UNC13B: variants seen among roughly 807,000 people sequenced by gnomAD.
The protein encoded by UNC13B is protein unc-13 homolog B.
Under a neutral mutation model 211.0 loss-of-function variants are expected in UNC13B, and 144 were observed. The ratio of observed to expected loss-of-function variants is 0.68; its 90% CI spans 0.60 to 0.78. The LOEUF (loss-of-function observed/expected upper bound fraction) is 0.78, where lower values mean the gene tolerates loss of function less well. UNC13B is among the 30% of genes least tolerant of loss of function. UNC13B has a pLI of 0.00. For synonymous variants in UNC13B, 709 were observed against 725.8 expected, an observed-to-expected ratio of 0.98 and a Z score of 0.37; for missense variants, 1,777 against 2,002.0, an observed-to-expected ratio of 0.89 and a Z score of 2.14.
At position 35,306,148 on chromosome 9, in the gene UNC13B, G is replaced by A. The variant is rs1460049962; in HGVS notation, c.6744G>A (p.Lys2248=). 2.5e-6 allele frequency: 1 copy of A among 398,940 alleles called. No individual in the cohort carries two copies. The highest frequency in any genetic ancestry group is 4.4e-6 in the Non-Finnish European group (1 of 226,060). 24.7% of individuals were successfully genotyped at this position (398,940 alleles called of 1,614,324 possible). The change falls in exon 9 of 40, where the codon AAG becomes AAA. Residue 2248 remains lysine (K), a synonymous_variant. Transcript: ENST00000635942. ...CAGTGACCTCCCAGCCCTGTAAGAAGACAAATGTTTTTGTAGAGAGTGGTA... is the reference window on the plus strand; with the variant it reads ...CAGTGACCTCCCAGCCCTGTAAGAAAACAAATGTTTTTGTAGAGAGTGGTA... ...VVPVTSQPCK[K]TNVFVESGST...
chr9:35,263,860 G>A (rs1169867062), intron 7 of UNC13B, among the ~76,000 whole-genome samples: 1 of 152,134 alleles, frequency 6.6e-6, no homozygotes, highest in Non-Finnish European at 1.5e-5. Flanking sequence ...TGTAAGCCAG[G>A]AAGAAAGCCC....
At chr9:35,186,431 T>A (rs1394674421) in intron 1 of UNC13B, among the ~76,000 whole-genome samples, 1 of 152,194 alleles carries the variant, frequency 6.6e-6, no homozygotes, top group Non-Finnish European at 1.5e-5. Flanking sequence ...CCACCCGCTG[T>A]CCCACTTTGA....
intron 11 of UNC13B, among the ~76,000 whole-genome samples, chr9:35,331,082 C>T (rs1380910450): frequency 1.3e-5 from 2 of 152,186 alleles, no homozygotes; most frequent in Admixed American, 6.5e-5. Flanking sequence ...TCCTTTCTCA[C>T]TCTTTACCAC....
rs370687642 is a variant in UNC13B at position 35,347,830 on chromosome 9, G to A, written c.9415-19117G>A. ...CAGTCTTCAGGAGGCCACAGGAAAGGACTCTGAACCCAGTGGCTATGCCAT... is the reference window on the plus strand; with the variant it reads ...CAGTCTTCAGGAGGCCACAGGAAAGAACTCTGAACCCAGTGGCTATGCCAT... On this transcript the variant is annotated intron_variant, in intron 11 of 39. Coordinates refer to ENST00000635942, the MANE Select transcript of UNC13B (RefSeq NM_001371189.2). 3.3e-5 allele frequency among the ~76,000 whole-genome samples: 5 copies of A among 152,204 alleles called. No individual in the cohort carries two copies. In the East Asian group the frequency reaches 7.7e-4, roughly 23 times the overall value.
At chr9:35,191,768 A>G in intron 1 of UNC13B, among the ~76,000 whole-genome samples, 1 of 152,214 alleles carries the variant, frequency 6.6e-6, no homozygotes, top group East Asian at 1.9e-4. Flanking sequence ...GTTACACGTC[A>G]TGTTTCCAAG....
chr9:35,337,335 G>T (rs1457711763), intron 11 of UNC13B, among the ~76,000 whole-genome samples: 1 of 152,154 alleles, frequency 6.6e-6, no homozygotes, highest in Non-Finnish European at 1.5e-5. Context: ...AGGTAAAATA[G>T]ATTATGGCAG....
At chr9:35,264,130 G>A (rs1827436889) in intron 7 of UNC13B, among the ~76,000 whole-genome samples, 1 of 152,160 alleles carries the variant, frequency 6.6e-6, no homozygotes, top group Non-Finnish European at 1.5e-5. Context: ...AAAAAACTGA[G>A]ATTTCCATGA....
intron 5 of UNC13B, among the ~76,000 whole-genome samples, chr9:35,238,540 T>C (rs1289123543): frequency 6.6e-6 from 1 of 151,966 alleles, no homozygotes; most frequent in Admixed American, 6.6e-5. Context: ...CAGATGCCTC[T>C]ACCATAATTT....
At chr9:35,324,237 G>A (rs1434564507) in intron 11 of UNC13B, among the ~76,000 whole-genome samples, 5 of 152,082 alleles carry the variant, frequency 3.3e-5, no homozygotes, top group African/African-American at 1.2e-4. Flanking sequence ...ATGTTCCACA[G>A]GACTCCAGTT....
In UNC13B at chr9:35,353,511, G is replaced by A. The variant is rs1372328754; in HGVS notation, c.9415-13436G>A. 52 of 1,232,116 alleles carry A rather than the reference G, an allele frequency of 4.2e-5. 1 individual carries two copies. The highest frequency in any genetic ancestry group is 1.6e-4 in the South Asian group (4 of 24,308). 76.3% of individuals were successfully genotyped at this position (1,232,116 alleles called of 1,614,324 possible). A position where few individuals can be genotyped will look rare whatever the true frequency, so the allele number is the denominator to read the frequency against. Reference sequence around the variant, plus strand: ...CTCAGTGTGGTCTCTGGTGGAGTTGGCGTCTCCACACAGGGAGAGCAAACC... The same window carrying A: ...CTCAGTGTGGTCTCTGGTGGAGTTGACGTCTCCACACAGGGAGAGCAAACC... On this transcript the variant is annotated intron_variant, in intron 11 of 39. Transcript: ENST00000635942.
At chr9:35,243,201 C>G in intron 5 of UNC13B, 90 bp from the exon 6 acceptor site, 4 of 1,289,788 alleles carry the variant, frequency 3.1e-6, no homozygotes, top group Non-Finnish European at 3.3e-6. Context: ...CTTCTGACTT[C>G]AGTCATTAGA....
chr9:35,282,998 A>T (rs1828591318), intron 7 of UNC13B, among the ~76,000 whole-genome samples: 1 of 152,198 alleles, frequency 6.6e-6, no homozygotes, highest in Non-Finnish European at 1.5e-5. Context: ...TAGTTTGAGT[A>T]TACTATAATT....
intron 1 of UNC13B, among the ~76,000 whole-genome samples, chr9:35,192,675 T>C (rs912147192): frequency 1.3e-5 from 2 of 152,234 alleles, no homozygotes; most frequent in African/African-American, 4.8e-5. Flanking sequence ...CTGCCTGATA[T>C]GACTACTAAA....
chr9:35,247,563 A>C lies in UNC13B; in HGVS notation c.468+4199A>C, dbSNP rs941450187. 1.2e-3 allele frequency among the ~76,000 whole-genome samples: 178 copies of C among 152,274 alleles called. 7 individuals are homozygous for C. In the South Asian group the frequency reaches 0.036, roughly 30 times the overall value. On this transcript the variant is annotated intron_variant, in intron 6 of 39. Coordinates refer to ENST00000635942, the MANE Select transcript of UNC13B (RefSeq NM_001371189.2). ...AATTTATTGAGAGTTTTTAGCATGA[A>C]GGGCTGTTCAATTTTGTCAAAGACC...
intron 11 of UNC13B, among the ~76,000 whole-genome samples, chr9:35,341,260 C>T (rs982878043): frequency 6.6e-6 from 1 of 152,188 alleles, no homozygotes; most frequent in African/African-American, 2.4e-5. Context: ...GTTGCTTTGG[C>T]ATAGCCTGAG....
chr9:35,252,441 A>G (rs1397052471), intron 6 of UNC13B, among the ~76,000 whole-genome samples: 1 of 151,886 alleles, frequency 6.6e-6, no homozygotes, highest in Non-Finnish European at 1.5e-5. Flanking sequence ...AGTAGCTGAG[A>G]TTACAGGCGT....
chr9:35,306,174 G>A lies in UNC13B; in HGVS notation c.6770G>A (p.Ser2257Asn), dbSNP rs1211482305. ...ACAAATGTTTTTGTAGAGAGTGGTA[G>A]CACAATGACCAGAGAAAGTTCCAGT... ...KKTNVFVESG[S>N]TMTRESSSGH... The change falls in exon 9 of 40, where the codon AGC becomes AAC. Residue 2257 changes from serine to asparagine, a missense_variant. By Grantham distance (46) the Ser-to-Asn change is conservative (BLOSUM62 1). Transcript: ENST00000635942. 4 of 398,912 alleles carry A rather than the reference G, an allele frequency of 1.0e-5. No individual in the cohort carries two copies. Among genetic ancestry groups the A allele is most frequent in the Non-Finnish European group, 1.8e-5 (4 of 226,056 alleles). 24.7% of individuals were successfully genotyped at this position (398,912 alleles called of 1,614,324 possible).
intron 8 of UNC13B, among the ~76,000 whole-genome samples, chr9:35,297,433 GC>G (rs1431508592): frequency 1.3e-5 from 2 of 150,056 alleles, no homozygotes; most frequent in East Asian, 4.0e-4. Context: ...TTTTGAGAAT[GC>G]CTCTTCGTTT....
At chr9:35,189,977 T>C (rs1470200950) in intron 1 of UNC13B, among the ~76,000 whole-genome samples, 4 of 152,116 alleles carry the variant, frequency 2.6e-5, no homozygotes, top group Non-Finnish European at 4.4e-5. Flanking sequence ...GACCTGCCAG[T>C]TTCTTAATTG....
Sources: gnomAD v4.1 joint callset for allele counts (sites outside exome capture counted in the v4.1 genomes callset) on GRCh38, gnomAD v4.1.1 for gene constraint, MANE v1.5 for transcripts, NCBI Gene and HGNC (gene_info 2026-07-23, HGNC 2026-07-21) for gene names.